Variants in MRTFA observed in about 807,000 individuals in gnomAD.
The protein encoded by MRTFA is myocardin related transcription factor A.
Under a neutral mutation model 83.5 loss-of-function variants are expected in MRTFA, and 20 were observed. The observed-to-expected ratio is 0.24, with a 90% CI of 0.17 to 0.35. MRTFA has a LOEUF of 0.35. MRTFA is among the 10% of genes least tolerant of loss of function. MRTFA has a pLI of 1.00. For missense variants in MRTFA, 1,200 were observed against 1,224.7 expected (o/e 0.98, Z 0.30); for synonymous variants, 659 against 541.2 (o/e 1.22, Z -3.02).
chr22:40,615,810 G>A (rs57334923), intron 1 of MRTFA, among the ~76,000 whole-genome samples: 2 of 151,110 alleles, frequency 1.3e-5, no homozygotes, highest in African/African-American at 2.4e-5. Context: ...TCAGCCTCCC[G>A]AGTAGCTGGA....
chr22:40,544,201 T>C (rs2055330662), intron 3 of MRTFA, among the ~76,000 whole-genome samples: 1 of 152,248 alleles, frequency 6.6e-6, no homozygotes, highest in South Asian at 2.1e-4. Flanking sequence ...AAAAGACTCA[T>C]ATAAATTACA....
In MRTFA at chr22:40,593,747, C is replaced by A. The variant is rs532309999; in HGVS notation, c.-22+927G>T. Among the ~76,000 whole-genome samples, 6 of 152,342 alleles carry A rather than the reference C, an allele frequency of 3.9e-5. No individual in the cohort carries two copies. The South Asian group carries it at 8.3e-4, about 21-fold the overall frequency. ...ACTGAGAGAAAGCCAGTCTCAAGAA[C>A]CTGTGCTAAGTGTAGATGCAGCAAG... On this transcript the variant is annotated intron_variant, in intron 2 of 14. Coordinates refer to ENST00000355630, the MANE Select transcript of MRTFA (RefSeq NM_020831.6).
chr22:40,435,908 C>CT (rs1013191820), intron 4 of MRTFA, among the ~76,000 whole-genome samples: 1 of 149,476 alleles, frequency 6.7e-6, no homozygotes, highest in African/African-American at 2.5e-5. Context: ...GCACTCTAGC[C>CT]TGGGCAACAG....
chr22:40,548,290 C>G (rs773396542), intron 3 of MRTFA, among the ~76,000 whole-genome samples: 12 of 135,524 alleles, frequency 8.9e-5, no homozygotes, highest in Non-Finnish European at 1.4e-4. Flanking sequence ...ACCAGGGAGG[C>G]AGAGCTTGCC....
At chr22:40,457,345 G>T (rs925888516) in intron 4 of MRTFA, among the ~76,000 whole-genome samples, 5 of 151,594 alleles carry the variant, frequency 3.3e-5, no homozygotes, top group Middle Eastern at 3.4e-3. Context: ...AATCCAGCCT[G>T]GGAGAGCAAG....
At chr22:40,566,879 G>A (rs1265891302) in intron 2 of MRTFA, among the ~76,000 whole-genome samples, 1 of 152,158 alleles carries the variant, frequency 6.6e-6, no homozygotes, top group Non-Finnish European at 1.5e-5. Context: ...CAGGTGTGTA[G>A]AGAAAGAATG....
At chr22:40,558,718 C>T (rs1430585178) in intron 2 of MRTFA, among the ~76,000 whole-genome samples, 1 of 151,768 alleles carries the variant, frequency 6.6e-6, no homozygotes, top group Non-Finnish European at 1.5e-5. Flanking sequence ...CAACCCAAGT[C>T]CAAGTCCAAT....
At chr22:40,437,345 T>C (rs1204676566) in intron 4 of MRTFA, among the ~76,000 whole-genome samples, 3 of 152,180 alleles carry the variant, frequency 2.0e-5, no homozygotes, top group Non-Finnish European at 4.4e-5. Context: ...GCTTAGCACA[T>C]GCATGAGACA....
intron 4 of MRTFA, among the ~76,000 whole-genome samples, chr22:40,461,653 G>A (rs2053715864): frequency 6.9e-6 from 1 of 144,766 alleles, no homozygotes; most frequent in South Asian, 2.2e-4. Context: ...AAAAAAATTA[G>A]CCAGGCGCTG....
intron 3 of MRTFA, among the ~76,000 whole-genome samples, chr22:40,483,634 G>A (rs553691534): frequency 6.6e-5 from 10 of 151,416 alleles, no homozygotes; most frequent in South Asian, 4.2e-4. Flanking sequence ...GCAGTGAGCC[G>A]AGATAGTGCC....
chr22:40,584,906 G>T (rs755700001), intron 2 of MRTFA, among the ~76,000 whole-genome samples: 1 of 152,002 alleles, frequency 6.6e-6, no homozygotes, highest in Non-Finnish European at 1.5e-5. Context: ...TTAGCTGGGC[G>T]TGGTGGCGCA....
rs1460205024 is a variant in MRTFA, at chr22:40,418,361, C to A, written c.2364+13G>T. 1.2e-6 allele frequency: 2 copies of A among 1,612,056 alleles called. No homozygotes were observed. The highest frequency in any genetic ancestry group is 4.5e-5 in the East Asian group (2 of 44,840). ...CCTCTGGGCCCTGCCCGGTTCCTCC[C>A]ATACCCAGGTACCTGCTGGGGGCTC... On this transcript the variant is annotated intron_variant, in intron 12 of 14. Coordinates refer to ENST00000355630, the MANE Select transcript of MRTFA (RefSeq NM_020831.6).
At chr22:40,520,122 G>A (rs1216630718) in intron 3 of MRTFA, among the ~76,000 whole-genome samples, 1 of 151,990 alleles carries the variant, frequency 6.6e-6, no homozygotes, top group African/African-American at 2.4e-5. Flanking sequence ...CCAGCCCCAG[G>A]CAATCACTGA....
At chr22:40,634,907 T>C (rs2056678231) in intron 1 of MRTFA, among the ~76,000 whole-genome samples, 2 of 152,222 alleles carry the variant, frequency 1.3e-5, no homozygotes, top group Admixed American at 1.3e-4. Flanking sequence ...CTTCCACCTC[T>C]CTTGATTTGA....
At chr22:40,579,869 A>C (rs889298290) in intron 2 of MRTFA, among the ~76,000 whole-genome samples, 2 of 152,058 alleles carry the variant, frequency 1.3e-5, no homozygotes, top group South Asian at 2.1e-4. Context: ...TCAAAAAAAA[A>C]AAAAAGACAC....
chr22:40,558,797 GTTTT>G (rs60228865), intron 2 of MRTFA, among the ~76,000 whole-genome samples: 1 of 143,006 alleles, frequency 7.0e-6, no homozygotes, highest in Non-Finnish European at 1.5e-5. Context: ...GGTTTTTTGG[GTTTT>G]TTTTTTTTTG....
At chr22:40,450,682 A>T (rs2053470498) in intron 4 of MRTFA, among the ~76,000 whole-genome samples, 1 of 151,106 alleles carries the variant, frequency 6.6e-6, no homozygotes, top group Admixed American at 6.6e-5. Context: ...GGTCTCAACC[A>T]CCTGACCTCA....
In MRTFA at chr22:40,537,239, G is replaced by T. The variant is rs1337374093; in HGVS notation, c.241+14867C>A. The stretch of plus-strand genomic sequence containing the variant: ...CAGCCACCCCGTCCGGGAGGGAGGT[G>T]GGGGGGTCAGCCCTCCGCCCGGCCA... On this transcript the variant is annotated intron_variant, in intron 3 of 14. Coordinates refer to ENST00000355630, the MANE Select transcript of MRTFA (RefSeq NM_020831.6). Among the ~76,000 whole-genome samples the T allele has an allele frequency of 4.9e-4, 8 of 16,244 alleles. No individual in the cohort carries two copies. The South Asian group carries it at 8.1e-3, about 17-fold the overall frequency. 10.7% of individuals were successfully genotyped at this position (16,244 alleles called of 152,430 possible). A position where few individuals can be genotyped will look rare whatever the true frequency, so the allele number is the denominator to read the frequency against.
chr22:40,526,911 G>C (rs2054984746), intron 3 of MRTFA, among the ~76,000 whole-genome samples: 1 of 151,948 alleles, frequency 6.6e-6, no homozygotes. Context: ...ACCAGCTTGG[G>C]CAACACACCA....
Sources: allele counts gnomAD v4.1 joint callset (sites outside exome capture counted in the v4.1 genomes callset), GRCh38; gene constraint gnomAD v4.1.1; transcripts MANE v1.5; gene names NCBI Gene and HGNC (gene_info 2026-07-23, HGNC 2026-07-21).